Variants in CSMD1 observed in about 807,000 individuals in gnomAD.
The protein encoded by CSMD1 is CUB and sushi domain-containing protein 1.
Under a neutral mutation model 417.5 loss-of-function variants are expected in CSMD1, and 213 were observed. That is an observed-to-expected ratio of 0.51 (90% CI 0.46 to 0.57). The LOEUF (loss-of-function observed/expected upper bound fraction) is 0.57, where lower values mean the gene tolerates loss of function less well. Among genes scored for constraint, CSMD1 ranks in the 20% least tolerant of loss-of-function variants. The pLI is 0.00. For missense variants in CSMD1, 6,923 were observed against 4,529.7 expected, an observed-to-expected ratio of 1.53 and a Z score of -15.17; for synonymous variants, 2,862 against 1,736.8, an observed-to-expected ratio of 1.65 and a Z score of -16.11.
At chr8:3,433,209 A>G (rs753567936) in intron 12 of CSMD1, among the ~76,000 whole-genome samples, 5 of 152,210 alleles carry the variant, frequency 3.3e-5, no homozygotes, top group Non-Finnish European at 7.3e-5. Context: ...CTTTTGTGGA[A>G]CTACAGTTGT....
intron 19 of CSMD1, among the ~76,000 whole-genome samples, chr8:3,368,810 T>C (rs114520762): frequency 1.8e-4 from 27 of 152,262 alleles, no homozygotes; most frequent in Non-Finnish European, 3.8e-4. Flanking sequence ...GAGCCATCTC[T>C]GGATTATGTG....
intron 5 of CSMD1, among the ~76,000 whole-genome samples, chr8:3,809,605 G>C (rs536472618): frequency 4.6e-5 from 7 of 152,054 alleles, no homozygotes; most frequent in African/African-American, 1.7e-4. Flanking sequence ...CACCTGCAGA[G>C]TGTCTAATTC....
chr8:3,651,338 C>G (rs1280657006), intron 7 of CSMD1, among the ~76,000 whole-genome samples: 1 of 152,052 alleles, frequency 6.6e-6, no homozygotes, highest in East Asian at 1.9e-4. Flanking sequence ...GATCTAGTCC[C>G]CACCCCCACA....
intron 1 of CSMD1, among the ~76,000 whole-genome samples, chr8:4,756,570 G>A (rs1297834839): frequency 1.3e-5 from 2 of 152,180 alleles, no homozygotes; most frequent in Non-Finnish European, 2.9e-5. Context: ...TTGAAATAGA[G>A]CATGCGTTCT....
rs373727642 is a variant in CSMD1, at chr8:4,659,005, T to G, written c.86-21447A>C. 3.3e-5 allele frequency among the ~76,000 whole-genome samples: 5 copies of G among 151,940 alleles called. No individual in the cohort carries two copies. In the East Asian group the frequency reaches 5.8e-4, roughly 18 times the overall value. On this transcript the variant is annotated intron_variant, in intron 1 of 69. Transcript: ENST00000635120. ...GAAGGCAATAACTGAAAACAATACA[T>G]AAAGGGAAATGAGAGGGAAGTCAAA...
chr8:4,697,226 G>T (rs569395757), intron 1 of CSMD1, among the ~76,000 whole-genome samples: 1 of 152,010 alleles, frequency 6.6e-6, no homozygotes. Context: ...ACTTATTTTT[G>T]ATTCTAGAAC....
intron 1 of CSMD1, among the ~76,000 whole-genome samples, chr8:4,741,533 T>A (rs954236945): frequency 6.6e-6 from 1 of 152,178 alleles, no homozygotes; most frequent in African/African-American, 2.4e-5. Flanking sequence ...AATAATTGCA[T>A]GTTTTGAATA....
At chr8:3,261,415 T>C (rs1412093602) in intron 26 of CSMD1, among the ~76,000 whole-genome samples, 1 of 152,208 alleles carries the variant, frequency 6.6e-6, no homozygotes, top group African/African-American at 2.4e-5. Context: ...GTGCAGTATA[T>C]ACGGCTTGGG....
chr8:4,103,884 A>G (rs1801431468), intron 3 of CSMD1, among the ~76,000 whole-genome samples: 1 of 152,174 alleles, frequency 6.6e-6, no homozygotes, highest in Non-Finnish European at 1.5e-5. Flanking sequence ...TGCAGTTAAT[A>G]TTTGTTCTCT....
intron 1 of CSMD1, among the ~76,000 whole-genome samples, chr8:4,884,905 T>C (rs893239860): frequency 6.6e-6 from 1 of 152,104 alleles, no homozygotes; most frequent in South Asian, 2.1e-4. Context: ...GCAACATAGA[T>C]ATAGGTATTG....
intron 1 of CSMD1, among the ~76,000 whole-genome samples, chr8:4,959,098 T>G (rs1037565542): frequency 6.6e-6 from 1 of 152,190 alleles, no homozygotes; most frequent in Non-Finnish European, 1.5e-5. Flanking sequence ...GTTTAGTCTA[T>G]GCTTAGTTTT....
chr8:3,509,336 T>C (rs1378441562), intron 10 of CSMD1, among the ~76,000 whole-genome samples: 1 of 152,224 alleles, frequency 6.6e-6, no homozygotes, highest in Non-Finnish European at 1.5e-5. Flanking sequence ...CATTTTACGT[T>C]CACTGTTTCT....
chr8:4,564,824 C>A (rs1359679878), intron 2 of CSMD1, among the ~76,000 whole-genome samples: 1 of 152,214 alleles, frequency 6.6e-6, no homozygotes, highest in Non-Finnish European at 1.5e-5. Context: ...TTTTCACTCA[C>A]TGTGGGATGC....
chr8:4,979,991 T>C (rs1303158008), intron 1 of CSMD1, among the ~76,000 whole-genome samples: 1 of 152,134 alleles, frequency 6.6e-6, no homozygotes, highest in African/African-American at 2.4e-5. Flanking sequence ...TGAGCCAAGA[T>C]AGTGCACTGC....
At chr8:4,277,430 C>T (rs575191088) in intron 3 of CSMD1, among the ~76,000 whole-genome samples, 96 of 152,198 alleles carry the variant, frequency 6.3e-4, no homozygotes, top group African/African-American at 2.2e-3. Context: ...AATAGCTGTC[C>T]GTCAGCTTTC....
intron 2 of CSMD1, among the ~76,000 whole-genome samples, chr8:4,444,775 G>A (rs1007667224): frequency 1.3e-5 from 2 of 152,138 alleles, no homozygotes; most frequent in African/African-American, 4.8e-5. Flanking sequence ...TCCCTGATTT[G>A]ACTAAGAACA....
At chr8:4,071,215 C>T (rs1272166511) in intron 3 of CSMD1, among the ~76,000 whole-genome samples, 3 of 151,796 alleles carry the variant, frequency 2.0e-5, no homozygotes, top group East Asian at 1.9e-4. Flanking sequence ...TCCGGAGTTT[C>T]AGCTAAACGT....
chr8:2,971,788 G>C (rs574658068), intron 57 of CSMD1, among the ~76,000 whole-genome samples: 3 of 152,246 alleles, frequency 2.0e-5, no homozygotes, highest in Admixed American at 6.5e-5. Context: ...AAAAACAAAA[G>C]TATGATCCTG....
chr8:3,472,363 T>G (rs1056638796), intron 11 of CSMD1, among the ~76,000 whole-genome samples: 3 of 152,124 alleles, frequency 2.0e-5, no homozygotes, highest in African/African-American at 7.2e-5. Flanking sequence ...TCCCAATTCT[T>G]GGGGACCTCT....
Sources: allele counts gnomAD v4.1 joint callset (sites outside exome capture counted in the v4.1 genomes callset), GRCh38; gene constraint gnomAD v4.1.1; transcripts MANE v1.5; gene names NCBI Gene and HGNC (gene_info 2026-07-23, HGNC 2026-07-21).